Variants in GTSF1 observed in about 807,000 individuals in gnomAD.
The protein encoded by GTSF1 is gametocyte-specific factor 1.
In GTSF1, 11 loss-of-function variants were observed where a neutral mutation model predicts 28.9. The observed-to-expected ratio is 0.38, with a 90% confidence interval of 0.24 to 0.63. The LOEUF is 0.63. GTSF1 is among the 30% of genes least tolerant of loss of function. GTSF1 has a pLI of 0.56. For missense variants in GTSF1, 146 were observed against 201.0 expected (o/e 0.73, Z 1.66); for synonymous variants, 69 against 65.6 (o/e 1.05, Z -0.25).
intron 8 of GTSF1, among the ~76,000 whole-genome samples, chr12:54,457,017 G>A (rs1187389439): frequency 2.6e-5 from 4 of 152,106 alleles, no homozygotes; most frequent in Non-Finnish European, 4.4e-5. Flanking sequence ...CCCGGGAGGT[G>A]GAGGTTGCAG....
chr12:54,471,413 C>G, intron 1 of GTSF1, 136 bp from the exon 2 acceptor site: 1 of 497,496 alleles, frequency 2.0e-6, no homozygotes, highest in Non-Finnish European at 3.6e-6. Flanking sequence ...CCACTCCCCC[C>G]AATATTTTCT....
At position 54,462,168 on chromosome 12, in the gene GTSF1, C is replaced by A; in HGVS notation, c.333G>T (p.Leu111Phe). The change falls in exon 6 of 9, where the codon TTG becomes TTT. Residue 111 changes from leucine to phenylalanine, a missense_variant. Physicochemically the swap from Leu to Phe is conservative, Grantham distance 22. Coordinates refer to ENST00000305879, the MANE Select transcript of GTSF1 (RefSeq NM_144594.3). ...PPCDEDWDKD[L>F]WEQTSTPFVW... Reference sequence around the variant, plus strand: ...CAAATGGGGTGCTGGTCTGCTCCCACAAATCTGTTAAAGGAAGCAAAACAT... The same window carrying A: ...CAAATGGGGTGCTGGTCTGCTCCCAAAAATCTGTTAAAGGAAGCAAAACAT... 3 of 1,612,494 alleles carry A rather than the reference C, an allele frequency of 1.9e-6. No homozygotes were observed. Among genetic ancestry groups the A allele is most frequent in the Non-Finnish European group, 2.5e-6 (3 of 1,178,722 alleles).
At chr12:54,468,632 C>G (rs1413510213) in intron 2 of GTSF1, among the ~76,000 whole-genome samples, 1 of 152,102 alleles carries the variant, frequency 6.6e-6, no homozygotes, top group African/African-American at 2.4e-5. Context: ...GGGTAGGGAC[C>G]AGAACCCATG....
rs1691318382 is a variant in GTSF1, at chr12:54,459,295, A to G, written c.488-170T>C. The G allele has an allele frequency of 6.9e-6, 10 of 1,441,208 alleles. 1 individual carries two copies. In the South Asian group the frequency reaches 1.3e-4, roughly 19 times the overall value. 89.3% of individuals were successfully genotyped at this position (1,441,208 alleles called of 1,614,324 possible). On this transcript the variant is annotated intron_variant, in intron 7 of 8. Transcript: ENST00000305879. ...TTTCATTCAAGAGCATGGGAAAAGA[A>G]AATAGACCTTTACCTACCAAGCCTT...
intron 6 of GTSF1, 147 bp downstream of exon 6, chr12:54,461,962 G>GA: frequency 1.7e-6 from 1 of 597,676 alleles, no homozygotes; most frequent in Non-Finnish European, 3.0e-6. Context: ...GAATAAATAT[G>GA]AAAAAATGCC....
At position 54,465,095 on chromosome 12, in the gene GTSF1, A is replaced by G; in HGVS notation, c.89T>C (p.Phe30Ser). 1 of 1,613,340 alleles carries G rather than the reference A, an allele frequency of 6.2e-7. No homozygotes were observed. The highest frequency in any genetic ancestry group is 8.5e-7 in the Non-Finnish European group (1 of 1,179,442). The change falls in exon 3 of 9, where the codon TTT (phenylalanine) becomes TCT (serine). Residue 30 changes from phenylalanine (F) to serine (S), a missense_variant. Physicochemically the swap from Phe to Ser is radical, Grantham distance 155 (BLOSUM62 -2). Coordinates refer to ENST00000305879, the MANE Select transcript of GTSF1 (RefSeq NM_144594.3). ...DKNHQIRACR[F>S]PYHLIKCRKN... ...TCTGCACTTGATAAGATGATAAGGA[A>G]ACCTGCAAGCCCTGATTTGATGGTT...
intron 6 of GTSF1, among the ~76,000 whole-genome samples, chr12:54,461,295 CT>C (rs1321346706): frequency 6.6e-6 from 1 of 151,636 alleles, no homozygotes; most frequent in East Asian, 1.9e-4. Context: ...GAGACAGGAT[CT>C]TACTGTGTTA....
chr12:54,457,406 A>G (rs577451610), intron 8 of GTSF1, among the ~76,000 whole-genome samples: 1 of 152,332 alleles, frequency 6.6e-6, no homozygotes, highest in South Asian at 2.1e-4. Context: ...GAGGAATTCA[A>G]AATTCACCAT....
rs1956539217 is a variant in GTSF1, at chr12:54,467,606, C to T, written c.17-2439G>A. On this transcript the variant is annotated intron_variant, in intron 2 of 8. Transcript: ENST00000305879. ...CTGGGATTACAGGTGTGAGCCACCA[C>T]ATTCGGCCATTTCCTTTATCTTCTG... is the stretch of plus-strand genomic sequence containing the variant. Among the ~76,000 whole-genome samples the T allele has an allele frequency of 1.3e-5, 2 of 152,076 alleles. 1 individual carries two copies.
At position 54,459,076 on chromosome 12, in the gene GTSF1, C is replaced by A; in HGVS notation, c.*20+13G>T. ...CATCTGAAGAGACAGTGAAATAAAA[C>A]TGAAACACTTACTTGATGAGATAGG... is the stretch of plus-strand genomic sequence containing the variant. On this transcript the variant is annotated intron_variant, in intron 8 of 8. Coordinates refer to ENST00000305879, the MANE Select transcript of GTSF1 (RefSeq NM_144594.3). 6.3e-7 allele frequency: 1 copy of A among 1,582,076 alleles called. No individual in the cohort carries two copies.
chr12:54,459,552 C>A, intron 7 of GTSF1: 2 of 810,544 alleles, frequency 2.5e-6, no homozygotes, highest in African/African-American at 1.8e-5. Context: ...TAATATGATA[C>A]AAATTTAGTA....
intron 7 of GTSF1, chr12:54,459,362 G>A: frequency 7.1e-7 from 1 of 1,415,228 alleles, no homozygotes. Context: ...GGAAATGCAA[G>A]TATCCAGGGA....
At chr12:54,470,166 ACT>A (rs1431974482) in intron 2 of GTSF1, among the ~76,000 whole-genome samples, 4 of 152,154 alleles carry the variant, frequency 2.6e-5, no homozygotes, top group African/African-American at 9.7e-5. Flanking sequence ...ACAGAGCAAG[ACT>A]CTGTCTCAAA....
At position 54,465,102 on chromosome 12, in the gene GTSF1, A is replaced by G. The variant is rs773000134; in HGVS notation, c.82T>C (p.Cys28Arg). ...PYDKNHQIRA[C>R]RFPYHLIKCR... ...TTGATAAGATGATAAGGAAACCTGC[A>G]AGCCCTGATTTGATGGTTTTTGTCA... Residue 28 changes from cysteine to arginine, a missense_variant, in exon 3 of 9, where the codon TGC (cysteine) becomes CGC (arginine). Physicochemically the swap from Cys to Arg is radical, Grantham distance 180. Transcript: ENST00000305879. The G allele has an allele frequency of 6.2e-7, 1 of 1,613,534 alleles. No individual in the cohort carries two copies. Among genetic ancestry groups the G allele is most frequent in the Non-Finnish European group, 8.5e-7 (1 of 1,179,570 alleles).
intron 3 of GTSF1, chr12:54,464,729 A>G (rs1402770012): frequency 6.4e-6 from 1 of 157,094 alleles, no homozygotes; most frequent in Non-Finnish European, 1.4e-5. Flanking sequence ...ATAGCACTCA[A>G]TCATTGTTAG....
In GTSF1 at chr12:54,465,054, A is replaced by T. The variant is rs1565659887; in HGVS notation, c.117+13T>A. The T allele has an allele frequency of 6.3e-6, 10 of 1,593,894 alleles. No individual in the cohort carries two copies. Among genetic ancestry groups the T allele is most frequent in the Non-Finnish European group, 8.6e-6 (10 of 1,162,254 alleles). ...AACTCAGGAGGGTGTTAGAGGGCAA[A>T]TTATGACCCTACCTTTCTGCACTTG... is the stretch of plus-strand genomic sequence containing the variant. On this transcript the variant is annotated intron_variant, in intron 3 of 8. Transcript: ENST00000305879.
intron 2 of GTSF1, 70 bp from the exon 3 acceptor site, chr12:54,465,237 C>T: frequency 1.0e-6 from 1 of 999,270 alleles, no homozygotes; most frequent in Non-Finnish European, 1.6e-6. Context: ...ATTCCAGGCA[C>T]ACTGGATTTT....
chr12:54,456,987 A>T (rs996809866), intron 8 of GTSF1, among the ~76,000 whole-genome samples: 1 of 152,180 alleles, frequency 6.6e-6, no homozygotes, highest in African/African-American at 2.4e-5. Context: ...TGGGAGGCTG[A>T]GGTAGGAGAA....
intron 8 of GTSF1, among the ~76,000 whole-genome samples, chr12:54,457,595 T>C (rs1050579833): frequency 4.6e-5 from 7 of 152,202 alleles, no homozygotes; most frequent in Admixed American, 2.6e-4. Flanking sequence ...TGCTTTTGTT[T>C]AAGACACGAG....
Sources: allele counts gnomAD v4.1 joint callset (sites outside exome capture counted in the v4.1 genomes callset), GRCh38; gene constraint gnomAD v4.1.1; transcripts MANE v1.5; gene names NCBI Gene and HGNC (gene_info 2026-07-23, HGNC 2026-07-21).